Variants in LNPEP observed in about 807,000 individuals in gnomAD.
The protein encoded by LNPEP is leucyl and cystinyl aminopeptidase, also known as leucyl-cystinyl aminopeptidase.
A neutral mutation model predicts 120.6 loss-of-function variants in LNPEP; 64 were observed. The observed-to-expected ratio is 0.53, with a 90% CI of 0.43 to 0.65. LNPEP has a LOEUF of 0.65. Among genes scored for constraint, LNPEP ranks in the 30% least tolerant of loss-of-function variants. LNPEP has a pLI of 0.00. For missense variants in LNPEP, 1,057 were observed against 1,200.0 expected, an observed-to-expected ratio of 0.88 and a Z score of 1.76; for synonymous variants, 435 against 425.4, an observed-to-expected ratio of 1.02 and a Z score of -0.28.
intron 1 of LNPEP, among the ~76,000 whole-genome samples, chr5:96,967,967 G>A (rs572512415): frequency 9.9e-5 from 15 of 152,048 alleles, no homozygotes; most frequent in African/African-American, 2.9e-4. Context: ...AGCATAAACC[G>A]GGCCTTGAGA....
At chr5:97,027,062 A>C (rs1038940468) in intron 16 of LNPEP, among the ~76,000 whole-genome samples, 3 of 152,160 alleles carry the variant, frequency 2.0e-5, no homozygotes, top group Admixed American at 6.5e-5. Flanking sequence ...ATTGAAAAAT[A>C]CCTCTGTATG....
intron 1 of LNPEP, among the ~76,000 whole-genome samples, chr5:96,969,141 C>A (rs1186655265): frequency 6.6e-6 from 1 of 151,896 alleles, no homozygotes; most frequent in Non-Finnish European, 1.5e-5. Context: ...TCCAGAAAAA[C>A]TCAGTTAAAA....
intron 9 of LNPEP, 117 bp downstream of exon 9, chr5:97,003,663 A>C (rs558066305): frequency 5.0e-6 from 3 of 604,802 alleles, no homozygotes; most frequent in Non-Finnish European, 7.8e-6. Context: ...TTATTTAAGA[A>C]AGGGGGGGAT....
chr5:97,014,577 C>G (rs559143817), intron 12 of LNPEP, among the ~76,000 whole-genome samples: 1 of 152,094 alleles, frequency 6.6e-6, no homozygotes, highest in Non-Finnish European at 1.5e-5. Flanking sequence ...AAATCAGATA[C>G]TCTCTATGCT....
chr5:97,009,682 T>TTGCTGCTGC (rs10615639), intron 11 of LNPEP, among the ~76,000 whole-genome samples: 6,211 of 151,664 alleles, frequency 0.041, 209 homozygotes, highest in Middle Eastern at 0.11. Context: ...GTTATTTCCC[T>TTGCTGCTGC]TGCTGCTGCT....
intron 13 of LNPEP, among the ~76,000 whole-genome samples, chr5:97,018,349 C>G (rs966660391): frequency 1.3e-5 from 2 of 151,984 alleles, no homozygotes; most frequent in African/African-American, 4.8e-5. Context: ...TCAAGAAGCA[C>G]TTGATACTTA....
chr5:96,998,009 G>T lies in LNPEP; in HGVS notation c.1522-5G>T. 1.3e-6 allele frequency: 2 copies of T among 1,539,710 alleles called. No homozygotes were observed. Among genetic ancestry groups the T allele is most frequent in the South Asian group, 1.2e-5 (1 of 84,002 alleles). ...TGATATTCTAATCTTTTCATTTTTT[G>T]ACAGTATGAAGATTTCTTAGATGCT... On this transcript the variant is annotated splice_region_variant and splice_polypyrimidine_tract_variant and intron_variant, in intron 7 of 17. Coordinates refer to ENST00000231368, the MANE Select transcript of LNPEP (RefSeq NM_005575.3).
intron 1 of LNPEP, among the ~76,000 whole-genome samples, chr5:96,951,266 G>A (rs1028817124): frequency 4.7e-5 from 7 of 149,844 alleles, no homozygotes; most frequent in Admixed American, 4.0e-4. Flanking sequence ...TTTTTTTGGC[G>A]GGGGGCGCGG....
chr5:96,993,183 A>G lies in LNPEP; in HGVS notation c.1252+48A>G, dbSNP rs1303866103. On this transcript the variant is annotated intron_variant, in intron 5 of 17. Transcript: ENST00000231368. ...GATTTTTGTTATAATTAGAACCTAG[A>G]TTTATTTTGTGAATTTTTTTAGAAA... 2.2e-6 allele frequency: 3 copies of G among 1,372,292 alleles called. No individual in the cohort carries two copies. The African/African-American group carries it at 4.4e-5, about 20-fold the overall frequency. 85.0% of individuals were successfully genotyped at this position (1,372,292 alleles called of 1,614,324 possible). A position where few individuals can be genotyped will look rare whatever the true frequency, so the allele number is the denominator to read the frequency against.
At chr5:96,989,292 TTATATA>T (rs1331886635) in intron 4 of LNPEP, among the ~76,000 whole-genome samples, 1 of 99,606 alleles carries the variant, frequency 1.0e-5, no homozygotes. Context: ...AATATATAAT[TTATATA>T]TAATATATTG....
At chr5:96,943,934 C>T (rs1189185778) in intron 1 of LNPEP, among the ~76,000 whole-genome samples, 1 of 152,214 alleles carries the variant, frequency 6.6e-6, no homozygotes, top group Non-Finnish European at 1.5e-5. Flanking sequence ...TCAGAGTCTT[C>T]TCCAGCCAAT....
chr5:96,979,969 A>G lies in LNPEP; in HGVS notation c.851A>G (p.Asn284Ser), dbSNP rs1239155918. ...GGCTTCTCCTACACAGATGAAAGTA[A>G]TGAGAAAAAGTAGGTAGCCCTCTTA... ...FYGFSYTDES[N>S]EKKYFAATQF... Residue 284 changes from asparagine to serine, a missense_variant, in exon 2 of 18, where the codon AAT becomes AGT. Transcript: ENST00000231368. 1.9e-6 allele frequency: 3 copies of G among 1,582,400 alleles called. No individual in the cohort carries two copies. Among genetic ancestry groups the G allele is most frequent in the Non-Finnish European group, 1.7e-6 (2 of 1,162,106 alleles).
intron 2 of LNPEP, among the ~76,000 whole-genome samples, chr5:96,984,767 C>T (rs989962390): frequency 2.0e-5 from 3 of 152,188 alleles, no homozygotes; most frequent in African/African-American, 4.8e-5. Flanking sequence ...ATACTTTCTT[C>T]CCTTCTTCAC....
At chr5:97,004,085 G>A (rs1790720627) in intron 9 of LNPEP, among the ~76,000 whole-genome samples, 1 of 152,182 alleles carries the variant, frequency 6.6e-6, no homozygotes, top group Non-Finnish European at 1.5e-5. Context: ...AGCAAGCAGT[G>A]TAATTATGTA....
Position 97,013,841 on chromosome 5 carries a change from A to G in LNPEP, c.2219+10A>G, listed in dbSNP as rs11738246. On this transcript the variant is annotated intron_variant, in intron 12 of 17. Coordinates refer to ENST00000231368, the MANE Select transcript of LNPEP (RefSeq NM_005575.3). The stretch of plus-strand genomic sequence containing the variant: ...TCTTTGAACTTGCAGGGTAGAGTAT[A>G]CTTAGTTTGAGATTTTTTCTTTTTT... 17,943 of 1,561,508 alleles carry G rather than the reference A, an allele frequency of 0.011. 144 individuals carry two copies. Among genetic ancestry groups the G allele is most frequent in the Non-Finnish European group, 0.013 (15,094 of 1,157,882 alleles).
chr5:96,954,768 A>ATATG, intron 1 of LNPEP, among the ~76,000 whole-genome samples: 1 of 36,096 alleles, frequency 2.8e-5, no homozygotes, highest in Non-Finnish European at 6.1e-5. Flanking sequence ...ATATATATAT[A>ATATG]TATATTTTTT....
intron 1 of LNPEP, among the ~76,000 whole-genome samples, chr5:96,968,966 G>A (rs1789794927): frequency 6.6e-6 from 1 of 152,066 alleles, no homozygotes; most frequent in African/African-American, 2.4e-5. Flanking sequence ...GGGTCTCTTA[G>A]ATTTAGAACA....
intron 1 of LNPEP, among the ~76,000 whole-genome samples, chr5:96,963,294 C>G (rs536438571): frequency 6.6e-6 from 1 of 152,292 alleles, no homozygotes; most frequent in South Asian, 2.1e-4. Context: ...CATCATAAAA[C>G]TTAATGGCTT....
intron 1 of LNPEP, among the ~76,000 whole-genome samples, chr5:96,974,974 T>C (rs765983980): frequency 6.6e-6 from 1 of 152,152 alleles, no homozygotes; most frequent in African/African-American, 2.4e-5. Context: ...TTTATCTGCA[T>C]GGTTTTAATG....
Sources: allele counts gnomAD v4.1 joint callset (sites outside exome capture counted in the v4.1 genomes callset), GRCh38; gene constraint gnomAD v4.1.1; transcripts MANE v1.5; gene names NCBI Gene and HGNC (gene_info 2026-07-23, HGNC 2026-07-21).